The following CCSER1 variants were observed in gnomAD, a reference collection of about 807,000 sequenced individuals.
CCSER1 encodes coiled-coil serine rich protein 1.
A neutral mutation model predicts 82.0 loss-of-function variants in CCSER1; 41 were observed. The observed-to-expected ratio is 0.50, with a 90% CI of 0.39 to 0.65. The LOEUF is 0.65. Among genes scored for constraint, CCSER1 ranks in the 30% least tolerant of loss-of-function variants. The pLI, the probability that CCSER1 is intolerant of heterozygous loss-of-function variation, is 0.00. For synonymous variants in CCSER1, 414 were observed against 383.9 expected (o/e 1.08, Z -0.92); for missense variants, 1,119 against 1,064.2 (o/e 1.05, Z -0.72).
At chr4:91,341,967 G>A (rs894175021) in intron 10 of CCSER1, among the ~76,000 whole-genome samples, 2 of 152,116 alleles carry the variant, frequency 1.3e-5, no homozygotes, top group Admixed American at 1.3e-4. Context: ...ATTAATTGCT[G>A]TTATATATAA....
chr4:90,251,726 T>C (rs1044266820), intron 1 of CCSER1, among the ~76,000 whole-genome samples: 2 of 151,808 alleles, frequency 1.3e-5, no homozygotes, highest in Non-Finnish European at 3.0e-5. Context: ...TCAATTTTGG[T>C]AGTTTACATC....
At chr4:91,369,267 C>T (rs1017443598) in intron 10 of CCSER1, among the ~76,000 whole-genome samples, 6 of 152,170 alleles carry the variant, frequency 3.9e-5, no homozygotes, top group Admixed American at 6.5e-5. Flanking sequence ...CTCCTTCAGC[C>T]TCGGCGATGA....
intron 10 of CCSER1, among the ~76,000 whole-genome samples, chr4:91,483,056 C>G (rs1462451778): frequency 6.6e-6 from 1 of 151,126 alleles, no homozygotes; most frequent in Non-Finnish European, 1.5e-5. Flanking sequence ...AACAAACCTG[C>G]ACGTTGTGCA....
chr4:90,588,461 A>G (rs1457635735), intron 5 of CCSER1, among the ~76,000 whole-genome samples: 2 of 152,142 alleles, frequency 1.3e-5, no homozygotes, highest in African/African-American at 4.8e-5. Flanking sequence ...AAATTTTGTT[A>G]TGAGTTTGCA....
intron 5 of CCSER1, among the ~76,000 whole-genome samples, chr4:90,610,885 G>T (rs1002889325): frequency 5.3e-5 from 8 of 151,352 alleles, no homozygotes; most frequent in African/African-American, 1.7e-4. Flanking sequence ...TTTTTTTGTT[G>T]TTGTTTCTTT....
At chr4:90,922,350 A>G (rs1728508532) in intron 8 of CCSER1, among the ~76,000 whole-genome samples, 1 of 151,974 alleles carries the variant, frequency 6.6e-6, no homozygotes, top group Non-Finnish European at 1.5e-5. Context: ...GTGAGGATGG[A>G]AGAGTTTTGT....
intron 10 of CCSER1, among the ~76,000 whole-genome samples, chr4:91,405,572 C>T (rs1469419349): frequency 6.6e-6 from 1 of 152,232 alleles, no homozygotes; most frequent in Non-Finnish European, 1.5e-5. Context: ...GAAGCCTCAG[C>T]AATGGCTGGC....
chr4:90,503,222 C>A (rs575265232), intron 5 of CCSER1, among the ~76,000 whole-genome samples: 1 of 152,138 alleles, frequency 6.6e-6, no homozygotes, highest in African/African-American at 2.4e-5. Context: ...AAGGCTAGAA[C>A]AGTCATTTTT....
At chr4:90,345,849 T>C (rs921048927) in intron 3 of CCSER1, among the ~76,000 whole-genome samples, 4 of 152,132 alleles carry the variant, frequency 2.6e-5, no homozygotes, top group Admixed American at 6.6e-5. Flanking sequence ...AATCTCACTG[T>C]TTAAATCATT....
At chr4:91,230,034 T>G (rs1019937499) in intron 10 of CCSER1, among the ~76,000 whole-genome samples, 2 of 152,100 alleles carry the variant, frequency 1.3e-5, no homozygotes, top group African/African-American at 4.8e-5. Flanking sequence ...CACCAAATAT[T>G]CATTCGAGTA....
intron 10 of CCSER1, among the ~76,000 whole-genome samples, chr4:91,276,222 G>C (rs1038560328): frequency 1.3e-5 from 2 of 148,520 alleles, no homozygotes; most frequent in Non-Finnish European, 3.0e-5. Context: ...ATTAAGGATT[G>C]CACTGAATTT....
At chr4:90,537,914 C>G (rs938918058) in intron 5 of CCSER1, among the ~76,000 whole-genome samples, 3 of 151,920 alleles carry the variant, frequency 2.0e-5, no homozygotes, top group African/African-American at 7.3e-5. Context: ...GTAGCCTGTA[C>G]TTCTCTCACC....
chr4:90,377,527 C>A (rs1393555086), intron 3 of CCSER1, among the ~76,000 whole-genome samples: 1 of 152,042 alleles, frequency 6.6e-6, no homozygotes, highest in Non-Finnish European at 1.5e-5. Context: ...CATGTAAATA[C>A]AAAGAACAGT....
chr4:90,229,923 A>G (rs1485592381), intron 1 of CCSER1, among the ~76,000 whole-genome samples: 3 of 152,224 alleles, frequency 2.0e-5, no homozygotes, highest in Non-Finnish European at 4.4e-5. Context: ...AGAGCTAACT[A>G]TCCTAAATAT....
chr4:90,220,640 C>G (rs1478771019), intron 1 of CCSER1, among the ~76,000 whole-genome samples: 1 of 152,156 alleles, frequency 6.6e-6, no homozygotes, highest in Non-Finnish European at 1.5e-5. Context: ...TACTTTGTAT[C>G]CGTCTCTCCT....
chr4:90,583,974 A>G (rs1206684983), intron 5 of CCSER1, among the ~76,000 whole-genome samples: 1 of 152,162 alleles, frequency 6.6e-6, no homozygotes. Flanking sequence ...TTTAAAAGAA[A>G]AAAGTTGTAT....
chr4:90,831,283 T>C (rs1302876555), intron 8 of CCSER1, among the ~76,000 whole-genome samples: 1 of 152,190 alleles, frequency 6.6e-6, no homozygotes, highest in African/African-American at 2.4e-5. Context: ...ATTTGACTTT[T>C]ACAGTGAAGA....
rs1763785995 is a variant in CCSER1 at position 91,582,608 on chromosome 4, G to T, written c.2218-15964G>T. On this transcript the variant is annotated intron_variant, in intron 10 of 10. Transcript: ENST00000509176. ...AGTCAGATTTAACTATTATCCACTA[G>T]GGATAGGTCATATTGACTATCTATT... Among the ~76,000 whole-genome samples the T allele has an allele frequency of 2.0e-5, 3 of 151,446 alleles. 1 individual carries two copies. In the South Asian group the frequency reaches 6.2e-4, roughly 31 times the overall value.
chr4:90,843,707 A>G (rs1216932265), intron 8 of CCSER1, among the ~76,000 whole-genome samples: 3 of 152,158 alleles, frequency 2.0e-5, no homozygotes, highest in African/African-American at 7.2e-5. Flanking sequence ...TATCTGGTCA[A>G]GCCATTTGGT....
Sources: allele counts gnomAD v4.1 joint callset (sites outside exome capture counted in the v4.1 genomes callset), GRCh38; gene constraint gnomAD v4.1.1; transcripts MANE v1.5; gene names NCBI Gene and HGNC (gene_info 2026-07-23, HGNC 2026-07-21).